Variants in DIAPH2 observed in about 807,000 individuals in gnomAD.
DIAPH2 encodes diaphanous related formin 2.
In DIAPH2, 35 loss-of-function variants were observed where a neutral mutation model predicts 92.7. The ratio of observed to expected loss-of-function variants is 0.38; its 90% confidence interval spans 0.29 to 0.50. The LOEUF (loss-of-function observed/expected upper bound fraction) is 0.50, where lower values mean the gene tolerates loss of function less well. Ranked by LOEUF, DIAPH2 falls within the 20% of genes least tolerant of loss-of-function variation. DIAPH2 has a pLI of 0.94. For missense variants in DIAPH2, 701 were observed against 819.5 expected (o/e 0.86, Z 1.77); for synonymous variants, 301 against 280.4 (o/e 1.07, Z -0.73).
intron 23 of DIAPH2, among the ~76,000 whole-genome samples, chrX:97,259,678 T>C (rs1047722128): frequency 7.1e-5 from 8 of 112,233 alleles, no homozygotes; most frequent in African/African-American, 2.6e-4. Flanking sequence ...GGTTATTTCT[T>C]TGTCTTCAAT....
At chrX:97,331,391 G>A (rs948622380) in intron 23 of DIAPH2, among the ~76,000 whole-genome samples, 2 of 111,616 alleles carry the variant, frequency 1.8e-5, no homozygotes, top group Non-Finnish European at 3.8e-5. Context: ...CAGTGACCCA[G>A]TAAAATTAGT....
chrX:97,418,535 T>C (rs1359136752), intron 25 of DIAPH2, among the ~76,000 whole-genome samples: 3 of 112,287 alleles, frequency 2.7e-5, no homozygotes, highest in African/African-American at 9.7e-5. Flanking sequence ...CAGATACACA[T>C]TTGACCTCCT....
At chrX:97,371,965 G>C (rs112934286) in intron 24 of DIAPH2, among the ~76,000 whole-genome samples, 2,973 of 112,488 alleles carry the variant, frequency 0.026, 61 homozygotes, top group South Asian at 0.044. Flanking sequence ...ATCAACAGAG[G>C]TCTACATTGG....
intron 5 of DIAPH2, among the ~76,000 whole-genome samples, chrX:96,906,102 C>G (rs938589830): frequency 8.9e-6 from 1 of 112,370 alleles, no homozygotes; most frequent in Non-Finnish European, 1.9e-5. Context: ...GCACTCCAGC[C>G]TGGGAGGCAG....
At chrX:96,816,541 T>A (rs1486096281) in intron 4 of DIAPH2, among the ~76,000 whole-genome samples, 1 of 112,383 alleles carries the variant, frequency 8.9e-6, no homozygotes, top group Non-Finnish European at 1.9e-5. Flanking sequence ...TCACCCAAGT[T>A]AAAATGGCTT....
intron 24 of DIAPH2, among the ~76,000 whole-genome samples, chrX:97,380,721 C>T (rs2069543801): frequency 9.4e-6 from 1 of 105,992 alleles, no homozygotes; most frequent in Non-Finnish European, 2.0e-5. Flanking sequence ...AAAGCCAGAG[C>T]CAAGTAAAAA....
rs145450622 is a variant in DIAPH2 at position 97,066,617 on chromosome X, A to G, written c.2051-6324A>G. Among the ~76,000 whole-genome samples the G allele has an allele frequency of 1.4e-3, 160 of 112,367 alleles. 1 individual carries two copies. The highest frequency in any genetic ancestry group is 5.0e-3 in the African/African-American group (156 of 31,018). On this transcript the variant is annotated intron_variant, in intron 17 of 26. Transcript: ENST00000324765. ...AGGGAAATTCTTCCCTAAAACCTCT[A>G]AGACAACTTTATTTGTCCTTCCTAA...
rs1256309147 is a variant in DIAPH2 at position 96,686,341 on chromosome X, G to C, written c.132+1151G>C. ...AAGTTAACTGATAGTTTCCACAAAT[G>C]GTTTGGTACGTCTAGCAAGAATCTG... is the stretch of plus-strand genomic sequence containing the variant. On this transcript the variant is annotated intron_variant, in intron 1 of 26. Coordinates refer to ENST00000324765, the MANE Select transcript of DIAPH2 (RefSeq NM_006729.5). Among the ~76,000 whole-genome samples, 3 of 111,075 alleles carry C rather than the reference G, an allele frequency of 2.7e-5. No individual in the cohort carries two copies. In the Admixed American group the frequency reaches 2.9e-4, roughly 11 times the overall value.
chrX:97,120,150 C>T (rs758378050), intron 21 of DIAPH2, among the ~76,000 whole-genome samples: 91 of 111,203 alleles, frequency 8.2e-4, no homozygotes, highest in African/African-American at 2.9e-3. Context: ...GGCTGCCCTC[C>T]GGAAGGATCC....
intron 22 of DIAPH2, among the ~76,000 whole-genome samples, chrX:97,159,693 G>C (rs1243276947): frequency 8.9e-6 from 1 of 111,770 alleles, no homozygotes; most frequent in Non-Finnish European, 1.9e-5. Flanking sequence ...ATGAAAATCG[G>C]TTTCTTTTGA....
At chrX:97,025,678 CAAAA>C (rs1313813047) in intron 17 of DIAPH2, among the ~76,000 whole-genome samples, 44 of 109,761 alleles carry the variant, frequency 4.0e-4, no homozygotes, top group Admixed American at 1.3e-3. Context: ...AACAAACAAA[CAAAA>C]AAACAAAAAA....
intron 17 of DIAPH2, among the ~76,000 whole-genome samples, chrX:97,000,620 T>TAC (rs56284459): frequency 0.059 from 5,886 of 99,793 alleles, 164 homozygotes; most frequent in African/African-American, 0.096. Context: ...TACAAATGAA[T>TAC]ACACACACAC....
intron 26 of DIAPH2, among the ~76,000 whole-genome samples, chrX:97,518,234 G>C (rs938840242): frequency 9.0e-6 from 1 of 111,586 alleles, no homozygotes; most frequent in African/African-American, 3.3e-5. Flanking sequence ...TCTTATTTTT[G>C]GTAAGCAGAG....
At chrX:97,312,003 G>A (rs2068798492) in intron 23 of DIAPH2, among the ~76,000 whole-genome samples, 1 of 109,068 alleles carries the variant, frequency 9.2e-6, no homozygotes. Flanking sequence ...AGTTTTTTGT[G>A]TTTTTTAGTA....
intron 17 of DIAPH2, among the ~76,000 whole-genome samples, chrX:97,031,769 C>T (rs899562472): frequency 6.3e-5 from 7 of 111,043 alleles, no homozygotes; most frequent in African/African-American, 2.0e-4. Flanking sequence ...ATTGCAGGAC[C>T]ACAGAGGGGA....
intron 26 of DIAPH2, among the ~76,000 whole-genome samples, chrX:97,472,326 T>G (rs181932109): frequency 3.4e-3 from 383 of 112,292 alleles, no homozygotes; most frequent in African/African-American, 0.012. Context: ...TTGCTGAAAA[T>G]GTTTACAGAT....
intron 26 of DIAPH2, among the ~76,000 whole-genome samples, chrX:97,481,176 T>C (rs939561769): frequency 4.5e-5 from 5 of 111,688 alleles, no homozygotes; most frequent in Non-Finnish European, 9.4e-5. Context: ...TATATTATAG[T>C]TTTGTTTTTA....
chrX:97,332,461 A>C (rs369244753), intron 23 of DIAPH2, among the ~76,000 whole-genome samples: 1 of 111,965 alleles, frequency 8.9e-6, no homozygotes, highest in African/African-American at 3.2e-5. Context: ...ATTTTAGTTA[A>C]GTAAGCAAAG....
At chrX:96,778,410 A>T (rs904225472) in intron 4 of DIAPH2, among the ~76,000 whole-genome samples, 6 of 109,781 alleles carry the variant, frequency 5.5e-5, no homozygotes, top group Admixed American at 2.0e-4. Context: ...CTCTTTTAAA[A>T]TTTTTTTTCT....
Sources: gnomAD v4.1 joint callset for allele counts (sites outside exome capture counted in the v4.1 genomes callset) on GRCh38, gnomAD v4.1.1 for gene constraint, MANE v1.5 for transcripts, NCBI Gene and HGNC (gene_info 2026-07-23, HGNC 2026-07-21) for gene names.